The following NBEAL2 variants were observed in gnomAD, a reference collection of about 807,000 sequenced individuals.
NBEAL2 encodes the protein neurobeachin-like protein 2.
A neutral mutation model predicts 299.8 loss-of-function variants in NBEAL2; 160 were observed. That is an observed-to-expected ratio of 0.53 (90% CI 0.47 to 0.61). The LOEUF is 0.61. Among genes scored for constraint, NBEAL2 ranks in the 20% least tolerant of loss-of-function variants. The pLI is 0.00. For synonymous variants in NBEAL2, 1,493 were observed against 1,542.3 expected (o/e 0.97, Z 0.75); for missense variants, 3,112 against 3,649.0 (o/e 0.85, Z 3.79).
Position 47,007,468 on chromosome 3 carries a change from G to A in NBEAL2, c.7335-57G>A, listed in dbSNP as rs1386862172. 2.5e-5 allele frequency: 39 copies of A among 1,572,796 alleles called. No homozygotes were observed. In the South Asian group the frequency reaches 4.1e-4, roughly 17 times the overall value. On this transcript the variant is annotated intron_variant, in intron 47 of 53. Transcript: ENST00000450053. ...GAAAGGTCTGGCCAGGCTCCCTGAG[G>A]GCCTGGGTCTCTTCCATGTGGCCTG...
Position 46,994,447 on chromosome 3 carries a change from T to G in NBEAL2, c.1198-8T>G. On this transcript the variant is annotated splice_region_variant and splice_polypyrimidine_tract_variant and intron_variant, in intron 11 of 53. Coordinates refer to ENST00000450053, the MANE Select transcript of NBEAL2 (RefSeq NM_015175.3). ...GTGTTCACTTCTTCCCCATACTACC[T>G]TACACAGGAGGTGTTTAAGGAGCGC... 1 of 1,582,302 alleles carries G rather than the reference T, an allele frequency of 6.3e-7. No homozygotes were observed. The highest frequency in any genetic ancestry group is 8.6e-7 in the Non-Finnish European group (1 of 1,161,838).
In NBEAL2 at chr3:46,991,254, C is replaced by T. The variant is rs2036060888; in HGVS notation, c.592C>T (p.Leu198=). 6.2e-7 allele frequency: 1 copy of T among 1,608,496 alleles called. No individual in the cohort carries two copies. Among genetic ancestry groups the T allele is most frequent in the African/African-American group, 1.3e-5 (1 of 74,884 alleles). Residue 198 remains leucine, a synonymous_variant, in exon 7 of 54, where the codon CTG becomes TTG. Transcript: ENST00000450053. This position sits in a 1 kb window ranked among gnomAD's most constrained non-coding sequence, Gnocchi z 6.2. ...GAATGCAGACCACTTGCCTCCCATA[C>T]TGCTGTTACGTCTCATCCACCTCTT... ...LQNADHLPPI[L]LLRLIHLFCA... is the part of the protein sequence containing the mutation.
At position 46,988,950 on chromosome 3, in the gene NBEAL2, G is replaced by A; in HGVS notation, c.249G>A (p.Lys83=). 1 of 1,612,814 alleles carries A rather than the reference G, an allele frequency of 6.2e-7. No homozygotes were observed. Among genetic ancestry groups the A allele is most frequent in the South Asian group, 1.1e-5 (1 of 91,042 alleles). ...ADLEQALLLL[K]LFIILCRNLE... Reference sequence around the variant, plus strand: ...TGGAGCAAGCCCTCCTGCTGCTCAAGCTCTTCATCATTCTCTGCAGGTGTC... The same window carrying A: ...TGGAGCAAGCCCTCCTGCTGCTCAAACTCTTCATCATTCTCTGCAGGTGTC... Residue 83 remains lysine (K), a synonymous_variant, in exon 3 of 54, where the codon AAG becomes AAA. Coordinates refer to ENST00000450053, the MANE Select transcript of NBEAL2 (RefSeq NM_015175.3). This position sits in a 1 kb window ranked among gnomAD's most constrained non-coding sequence, Gnocchi z 4.4.
Position 47,008,131 on chromosome 3 carries a change from C to T in NBEAL2, c.7664C>T (p.Ala2555Val). The change falls in exon 50 of 54, where the codon GCA becomes GTA. Residue 2555 changes from alanine to valine, a missense_variant. Around this residue, in one of 3 missense-constraint regions of NBEAL2, gnomAD observed 348 missense variants for 381.4 expected, o/e 0.91. Coordinates refer to ENST00000450053, the MANE Select transcript of NBEAL2 (RefSeq NM_015175.3). Reference sequence around the variant, plus strand: ...CAGGTCCTGTATGGGCATGGGGCTGCAGTGAGCTGTGTGGCCATCAGCACT... The same window carrying T: ...CAGGTCCTGTATGGGCATGGGGCTGTAGTGAGCTGTGTGGCCATCAGCACT... ...PVQVLYGHGA[A>V]VSCVAISTEL... is the part of the protein sequence containing the mutation. 1.2e-6 allele frequency: 2 copies of T among 1,614,008 alleles called. No homozygotes were observed. Among genetic ancestry groups the T allele is most frequent in the Non-Finnish European group, 1.7e-6 (2 of 1,179,890 alleles).
At position 46,996,058 on chromosome 3, in the gene NBEAL2, C is replaced by A; in HGVS notation, c.2151+7C>A. The A allele has an allele frequency of 6.3e-7, 1 of 1,598,150 alleles. No individual in the cohort carries two copies. Among genetic ancestry groups the A allele is most frequent in the Non-Finnish European group, 8.5e-7 (1 of 1,172,504 alleles). On this transcript the variant is annotated splice_region_variant and intron_variant, in intron 15 of 53. Coordinates refer to ENST00000450053, the MANE Select transcript of NBEAL2 (RefSeq NM_015175.3). The stretch of plus-strand genomic sequence containing the variant: ...CTGCCCCTCCCTCAGTGAGGTGTGC[C>A]AAGCAAGGTTTGGGGAGGCCTTGGG...
rs2036182473 is a variant in NBEAL2 at position 46,992,541 on chromosome 3, C to T, written c.1099C>T (p.Pro367Ser). The T allele has an allele frequency of 6.3e-7, 1 of 1,598,966 alleles. No individual in the cohort carries two copies. The highest frequency in any genetic ancestry group is 1.3e-5 in the African/African-American group (1 of 74,546). ...SDLATRLLTE[P>S]DVQKVLDQDT... The stretch of plus-strand genomic sequence containing the variant: ...CCTGGCTACCCGGTTACTGACTGAG[C>T]CCGATGTCCAAAAGGTACCATCCTG... The change falls in exon 10 of 54, where the codon CCC (proline) becomes TCC (serine). Residue 367 changes from proline to serine, a missense_variant. Physicochemically the swap from Pro to Ser is moderately conservative, Grantham distance 74 (BLOSUM62 -1). Transcript: ENST00000450053.
In NBEAL2 at chr3:47,008,606, G is replaced by A; in HGVS notation, c.7965G>A (p.Val2655=). The A allele has an allele frequency of 6.2e-7, 1 of 1,613,644 alleles. No individual in the cohort carries two copies. Among genetic ancestry groups the A allele is most frequent in the Non-Finnish European group, 8.5e-7 (1 of 1,179,874 alleles). ...CAGAGCAGCCTACAGCCCTGACGGT[G>A]ACAGAGGACTTTGTGTTGCTGGGCA... ...PLAEQPTALT[V]TEDFVLLGTA... is the part of the protein sequence containing the mutation. Residue 2655 remains valine, a synonymous_variant, in exon 52 of 54, where the codon GTG becomes GTA. Coordinates refer to ENST00000450053, the MANE Select transcript of NBEAL2 (RefSeq NM_015175.3).
intron 12 of NBEAL2, 24 bp from the exon 13 acceptor site, chr3:46,995,008 G>A: frequency 7.2e-6 from 11 of 1,520,314 alleles, no homozygotes; most frequent in Non-Finnish European, 8.0e-6. Flanking sequence ...GCTGACCAGG[G>A]ACTGTCATTC....
At chr3:46,986,541 C>G (rs2035683394) in intron 1 of NBEAL2, among the ~76,000 whole-genome samples, 1 of 152,112 alleles carries the variant, frequency 6.6e-6, no homozygotes, top group East Asian at 1.9e-4. Flanking sequence ...TAGACACGGT[C>G]AAATTTGGGC....
Position 47,001,129 on chromosome 3 carries a change from G to C in NBEAL2, c.4434G>C (p.Gln1478His). The change falls in exon 28 of 54, where the codon CAG becomes CAC. Residue 1478 changes from glutamine (Q) to histidine (H), a missense_variant. Around this residue, in one of 3 missense-constraint regions of NBEAL2, gnomAD observed 2,243 missense variants for 2,538.1 expected, o/e 0.88. Transcript: ENST00000450053. This position sits in a 1 kb window ranked among gnomAD's most constrained non-coding sequence, Gnocchi z 6.1. Reference protein sequence around the residue: ...ERGQVFSVLTQLGASATLVRP... With the variant: ...ERGQVFSVLTHLGASATLVRP... ...GCCAGGTTTTCTCAGTGCTCACCCA[G>C]CTGGGGGCCTCAGCCACACTTGTGC... The C allele has an allele frequency of 1.2e-6, 2 of 1,612,608 alleles. No homozygotes were observed. The highest frequency in any genetic ancestry group is 1.7e-6 in the Non-Finnish European group (2 of 1,179,526).
rs372963074 is a variant in NBEAL2, at chr3:47,005,782, G to A, written c.6736G>A (p.Asp2246Asn). The stretch of plus-strand genomic sequence containing the variant: ...CCAGCTGACCAACGAGAAGGTAGGC[G>A]ATGTGGTGCTACCCCCGTGGGCCAG... ...CLQLTNEKVG[D>N]VVLPPWASSP... Residue 2246 changes from aspartate (D) to asparagine (N), a missense_variant, in exon 42 of 54, where the codon GAT becomes AAT. This residue lies in a region of NBEAL2 where 521 missense variants were observed against 729.6 expected (regional missense o/e 0.71). Transcript: ENST00000450053. 138 of 1,613,246 alleles carry A rather than the reference G, an allele frequency of 8.6e-5. 3 individuals carry two copies. Among genetic ancestry groups the A allele is most frequent in the South Asian group, 6.5e-4 (59 of 91,076 alleles).
At chr3:47,006,559 C>A in intron 45 of NBEAL2, 110 bp downstream of exon 45, 2 of 1,064,436 alleles carry the variant, frequency 1.9e-6, no homozygotes, top group Non-Finnish European at 2.8e-6. Flanking sequence ...TCACTGATTT[C>A]AAGGCACCTT....
At position 46,999,985 on chromosome 3, in the gene NBEAL2, G is replaced by A. The variant is rs563228204; in HGVS notation, c.3886G>A (p.Ala1296Thr). The A allele has an allele frequency of 6.2e-7, 1 of 1,612,120 alleles. No individual in the cohort carries two copies. The highest frequency in any genetic ancestry group is 1.7e-5 in the Admixed American group (1 of 60,012). ...GCTGACCCGGCTATATGTCCTGGAGGCTGCCACAGCCGGCAGCCCCCCTCC... is the reference window on the plus strand; with the variant it reads ...GCTGACCCGGCTATATGTCCTGGAGACTGCCACAGCCGGCAGCCCCCCTCC... ...DVLTRLYVLE[A>T]ATAGSPPPSS... The change falls in exon 27 of 54, where the codon GCT becomes ACT. Residue 1296 changes from alanine to threonine, a missense_variant. By Grantham distance (58) the Ala-to-Thr change is moderately conservative. This residue lies in a region of NBEAL2 where 2,243 missense variants were observed against 2,538.1 expected (regional missense o/e 0.88). Transcript: ENST00000450053.
Position 46,999,692 on chromosome 3 carries a change from G to C in NBEAL2, c.3766G>C (p.Val1256Leu), listed in dbSNP as rs541945649. 1 of 1,613,518 alleles carries C rather than the reference G, an allele frequency of 6.2e-7. No homozygotes were observed. The highest frequency in any genetic ancestry group is 1.3e-5 in the African/African-American group (1 of 75,040). The change falls in exon 26 of 54, where the codon GTT becomes CTT. Residue 1256 changes from valine (V) to leucine (L), a missense_variant. Physicochemically the swap from Val to Leu is conservative, Grantham distance 32. This residue lies in a region of NBEAL2 where 2,243 missense variants were observed against 2,538.1 expected (regional missense o/e 0.88). Coordinates refer to ENST00000450053, the MANE Select transcript of NBEAL2 (RefSeq NM_015175.3). Reference sequence around the variant, plus strand: ...GCTGTCCCTCCAGGCTGACCTCAGCGTTCGCCTAGACATCTGTCGCCAGGT... The same window carrying C: ...GCTGTCCCTCCAGGCTGACCTCAGCCTTCGCCTAGACATCTGTCGCCAGGT... ...VQLSLQADLS[V>L]RLDICRQLFH...
intron 47 of NBEAL2, 64 bp from the exon 48 acceptor site, chr3:47,007,461 C>T: frequency 1.3e-6 from 2 of 1,568,568 alleles, no homozygotes; most frequent in Non-Finnish European, 1.7e-6. Flanking sequence ...TGGCCAGGCT[C>T]CCTGAGGGCC....
At chr3:46,992,002 A>G in intron 9 of NBEAL2, 56 bp downstream of exon 9, 1 of 1,425,526 alleles carries the variant, frequency 7.0e-7, no homozygotes, top group Non-Finnish European at 9.7e-7. Flanking sequence ...TAGGGGAGCC[A>G]CGCATAGGTG....
chr3:46,994,083 C>A, intron 11 of NBEAL2, 63 bp downstream of exon 11: 1 of 1,487,214 alleles, frequency 6.7e-7, no homozygotes, highest in Admixed American at 1.9e-5. Context: ...ACCATATCCC[C>A]AGAACAGGCC....
In NBEAL2 at chr3:47,005,587, T is replaced by G; in HGVS notation, c.6659T>G (p.Phe2220Cys). ...ADVKELIPEF[F>C]YFPDFLENQN... Reference sequence around the variant, plus strand: ...GTGAAGGAGCTCATCCCGGAATTCTTCTACTTTCCTGACTTCCTGGAGAAC... The same window carrying G: ...GTGAAGGAGCTCATCCCGGAATTCTGCTACTTTCCTGACTTCCTGGAGAAC... The change falls in exon 41 of 54, where the codon TTC becomes TGC. Residue 2220 changes from phenylalanine (F) to cysteine (C), a missense_variant. Physicochemically the swap from Phe to Cys is radical, Grantham distance 205. Coordinates refer to ENST00000450053, the MANE Select transcript of NBEAL2 (RefSeq NM_015175.3). 6.2e-7 allele frequency: 1 copy of G among 1,613,494 alleles called. No individual in the cohort carries two copies. The highest frequency in any genetic ancestry group is 8.5e-7 in the Non-Finnish European group (1 of 1,179,706).
At position 46,998,209 on chromosome 3, in the gene NBEAL2, A is replaced by G. The variant is rs1310794736; in HGVS notation, c.3101A>G (p.Asp1034Gly). The G allele has an allele frequency of 2.5e-6, 4 of 1,610,324 alleles. No individual in the cohort carries two copies. ...AACTTTCACCTCTGGACCCTCAGTGACTTCGCCGTGCGCCTCGGTAGGTGT... is the reference window on the plus strand; with the variant it reads ...AACTTTCACCTCTGGACCCTCAGTGGCTTCGCCGTGCGCCTCGGTAGGTGT... ...LFNFHLWTLS[D>G]FAVRLGHIQY... The change falls in exon 21 of 54, where the codon GAC (aspartate) becomes GGC (glycine). Residue 1034 changes from aspartate (D) to glycine (G), a missense_variant. Physicochemically the swap from Asp to Gly is moderately conservative, Grantham distance 94. This residue lies in a region of NBEAL2 where 2,243 missense variants were observed against 2,538.1 expected (regional missense o/e 0.88). Transcript: ENST00000450053.
Sources: allele counts gnomAD v4.1 joint callset (sites outside exome capture counted in the v4.1 genomes callset), GRCh38; gene constraint gnomAD v4.1.1; regional missense constraint gnomAD v4.1.1; non-coding constraint Gnocchi (gnomAD v3.1); transcripts MANE v1.5; gene names NCBI Gene and HGNC (gene_info 2026-07-23, HGNC 2026-07-21).